LNPK: variants seen among roughly 807,000 people sequenced by gnomAD.
The protein encoded by LNPK is endoplasmic reticulum junction formation protein lunapark.
A neutral mutation model predicts 55.2 loss-of-function variants in LNPK; 29 were observed. That is an observed-to-expected ratio of 0.53 (90% CI 0.39 to 0.72). The LOEUF (loss-of-function observed/expected upper bound fraction) is 0.72, where lower values mean the gene tolerates loss of function less well. Among genes scored for constraint, LNPK ranks in the 30% least tolerant of loss-of-function variants. The pLI is 0.00. For synonymous variants in LNPK, 162 were observed against 168.2 expected, an observed-to-expected ratio of 0.96 and a Z score of 0.29; for missense variants, 467 against 494.8, an observed-to-expected ratio of 0.94 and a Z score of 0.53.
At chr2:175,936,082 T>C (rs1684531470) in intron 12 of LNPK, among the ~76,000 whole-genome samples, 1 of 152,196 alleles carries the variant, frequency 6.6e-6, no homozygotes, top group East Asian at 1.9e-4. Flanking sequence ...ATGGTTTGCA[T>C]GTGACAGCAT....
rs573608854 is a variant in LNPK at position 175,947,702 on chromosome 2, G to GT, written c.494-11dup. ...GTTCGCTGACGAATCTCTGAGAAGA[G>GT]TAAGTACATACTAGACTTAATTTCC... On this transcript the variant is annotated splice_polypyrimidine_tract_variant and intron_variant, in intron 8 of 12. Coordinates refer to ENST00000272748, the MANE Select transcript of LNPK (RefSeq NM_030650.3). The GT allele has an allele frequency of 1.3e-6, 2 of 1,596,018 alleles. No individual in the cohort carries two copies. The highest frequency in any genetic ancestry group is 1.7e-5 in the Admixed American group (1 of 59,376).
intron 5 of LNPK, among the ~76,000 whole-genome samples, chr2:175,978,906 A>G (rs981334240): frequency 7.2e-5 from 11 of 152,186 alleles, no homozygotes; most frequent in Non-Finnish European, 1.3e-4. Context: ...GTTGGGGTAG[A>G]TTATAGGATC....
chr2:175,958,271 T>C (rs1685800363), intron 8 of LNPK, among the ~76,000 whole-genome samples: 1 of 152,228 alleles, frequency 6.6e-6, no homozygotes, highest in Non-Finnish European at 1.5e-5. Flanking sequence ...AGTGGGTCCC[T>C]GACCACTGTG....
At chr2:175,949,582 C>T (rs1042817544) in intron 8 of LNPK, among the ~76,000 whole-genome samples, 1 of 152,018 alleles carries the variant, frequency 6.6e-6, no homozygotes, top group Admixed American at 6.6e-5. Flanking sequence ...GAGACTACTT[C>T]CTCTAAATGT....
intron 5 of LNPK, among the ~76,000 whole-genome samples, chr2:175,972,997 A>G (rs992099104): frequency 1.3e-5 from 2 of 152,164 alleles, no homozygotes; most frequent in African/African-American, 4.8e-5. Flanking sequence ...ATCTGCTACA[A>G]ATTTGTGTGG....
At chr2:175,952,544 C>CTT (rs1685475559) in intron 8 of LNPK, among the ~76,000 whole-genome samples, 1 of 151,956 alleles carries the variant, frequency 6.6e-6, no homozygotes, top group African/African-American at 2.4e-5. Context: ...GTCACTGTAT[C>CTT]TTCTGTTCAC....
intron 12 of LNPK, among the ~76,000 whole-genome samples, chr2:175,934,062 A>C (rs1202634304): frequency 6.6e-6 from 1 of 152,192 alleles, no homozygotes; most frequent in Non-Finnish European, 1.5e-5. Context: ...TCTAAAACTA[A>C]ACTATTAAGT....
intron 8 of LNPK, among the ~76,000 whole-genome samples, chr2:175,954,151 T>C (rs1685568005): frequency 6.6e-6 from 1 of 152,204 alleles, no homozygotes; most frequent in South Asian, 2.1e-4. Context: ...GTTTATTACA[T>C]GTGTATACCC....
At chr2:175,978,543 A>T (rs753061418) in intron 5 of LNPK, among the ~76,000 whole-genome samples, 1 of 152,156 alleles carries the variant, frequency 6.6e-6, no homozygotes, top group Non-Finnish European at 1.5e-5. Flanking sequence ...TTTTGGTAGG[A>T]GGCAGGTATT....
chr2:175,962,157 C>T (rs1686071313), intron 8 of LNPK, among the ~76,000 whole-genome samples: 1 of 152,082 alleles, frequency 6.6e-6, no homozygotes, highest in Non-Finnish European at 1.5e-5. Context: ...CAATGCCATC[C>T]CCATCAAGCT....
At chr2:175,974,171 G>A (rs1395887811) in intron 5 of LNPK, among the ~76,000 whole-genome samples, 5 of 152,054 alleles carry the variant, frequency 3.3e-5, no homozygotes, top group Admixed American at 6.5e-5. Flanking sequence ...CAGCTATAAC[G>A]TCATTGCATA....
intron 6 of LNPK, among the ~76,000 whole-genome samples, chr2:175,968,382 C>G (rs926571162): frequency 1.3e-5 from 2 of 152,096 alleles, no homozygotes; most frequent in Non-Finnish European, 2.9e-5. Flanking sequence ...TGAAAAAGCA[C>G]AAAATTTTCA....
chr2:175,933,566 A>G (rs1158414427), intron 12 of LNPK, among the ~76,000 whole-genome samples: 2 of 152,134 alleles, frequency 1.3e-5, no homozygotes, highest in Non-Finnish European at 2.9e-5. Context: ...TGGCTAACTC[A>G]TATTTAAGAA....
intron 8 of LNPK, among the ~76,000 whole-genome samples, chr2:175,949,500 C>T (rs960232132): frequency 1.3e-5 from 2 of 152,022 alleles, no homozygotes; most frequent in African/African-American, 4.8e-5. Flanking sequence ...ATTTTTCTTC[C>T]AGATAAATGA....
At chr2:175,994,323 G>A in intron 2 of LNPK, 1 of 984,304 alleles carries the variant, frequency 1.0e-6, no homozygotes, top group Non-Finnish European at 1.2e-6. Context: ...TTTGATCCTT[G>A]GGCAGATTAT....
chr2:175,953,563 C>T (rs1289980536), intron 8 of LNPK, among the ~76,000 whole-genome samples: 1 of 151,940 alleles, frequency 6.6e-6, no homozygotes, highest in Admixed American at 6.6e-5. Context: ...CTTCCTCCCA[C>T]CCCCAACCCC....
chr2:175,939,802 AAG>A (rs1684730748), intron 9 of LNPK, 145 bp from the exon 10 acceptor site: 32 of 510,886 alleles, frequency 6.3e-5, no homozygotes, highest in Middle Eastern at 5.1e-4. Flanking sequence ...TAAATCTCTG[AAG>A]AACATTCAAA....
intron 8 of LNPK, among the ~76,000 whole-genome samples, chr2:175,951,720 T>C (rs1458817828): frequency 1.3e-5 from 2 of 151,476 alleles, no homozygotes; most frequent in Non-Finnish European, 2.9e-5. Context: ...CTTTTTCGTA[T>C]AATGACTTAT....
intron 1 of LNPK, among the ~76,000 whole-genome samples, chr2:175,998,258 A>T (rs1688022838): frequency 6.6e-6 from 1 of 152,026 alleles, no homozygotes; most frequent in South Asian, 2.1e-4. Context: ...CCTGGCCAAG[A>T]TGGTGAAACC....
Sources: gnomAD v4.1 joint callset for allele counts (sites outside exome capture counted in the v4.1 genomes callset) on GRCh38, gnomAD v4.1.1 for gene constraint, MANE v1.5 for transcripts, NCBI Gene and HGNC (gene_info 2026-07-23, HGNC 2026-07-21) for gene names.